The following COL19A1 variants were observed in gnomAD, a reference collection of about 807,000 sequenced individuals.
COL19A1 encodes the protein collagen alpha-1(XIX) chain.
In COL19A1, 159 loss-of-function variants were observed where a neutral mutation model predicts 190.2. The observed-to-expected ratio is 0.84, with a 90% CI of 0.73 to 0.95. The LOEUF (loss-of-function observed/expected upper bound fraction) is 0.95, where lower values mean the gene tolerates loss of function less well. Among genes scored for constraint, COL19A1 ranks in the 40% least tolerant of loss-of-function variants. COL19A1 has a pLI of 0.00. For missense variants in COL19A1, 1,418 were observed against 1,431.9 expected (o/e 0.99, Z 0.16); for synonymous variants, 509 against 458.9 (o/e 1.11, Z -1.39).
intron 15 of COL19A1, among the ~76,000 whole-genome samples, chr6:70,087,456 A>G (rs972232349): frequency 2.0e-5 from 3 of 152,112 alleles, no homozygotes; most frequent in African/African-American, 7.2e-5. Context: ...CAGAAATTTC[A>G]AGGAACTTTA....
At chr6:70,031,671 T>A (rs957510764) in intron 12 of COL19A1, among the ~76,000 whole-genome samples, 2 of 152,194 alleles carry the variant, frequency 1.3e-5, no homozygotes, top group African/African-American at 4.8e-5. Context: ...AGTACTCCGT[T>A]GTGTATATAT....
chr6:69,909,441 CA>C, intron 4 of COL19A1, among the ~76,000 whole-genome samples: 1 of 151,962 alleles, frequency 6.6e-6, no homozygotes, highest in African/African-American at 2.4e-5. Context: ...AATATAAAGA[CA>C]AAATCTCTTA....
At chr6:69,993,621 A>C (rs1344257357) in intron 11 of COL19A1, among the ~76,000 whole-genome samples, 4 of 151,934 alleles carry the variant, frequency 2.6e-5, no homozygotes, top group African/African-American at 9.7e-5. Flanking sequence ...TTCATTACTG[A>C]TTCCATTTCA....
intron 1 of COL19A1, among the ~76,000 whole-genome samples, chr6:69,873,223 C>T (rs188106061): frequency 5.3e-4 from 80 of 151,786 alleles, no homozygotes; most frequent in Middle Eastern, 3.4e-3. Flanking sequence ...CTAGACCAGT[C>T]TCTGAATAAT....
At chr6:69,900,725 T>C (rs1018986341) in intron 4 of COL19A1, among the ~76,000 whole-genome samples, 4 of 152,178 alleles carry the variant, frequency 2.6e-5, no homozygotes, top group African/African-American at 9.6e-5. Context: ...TTTTAGATTT[T>C]CTATGCTTCT....
intron 1 of COL19A1, among the ~76,000 whole-genome samples, chr6:69,876,847 T>C (rs1323496987): frequency 6.6e-6 from 1 of 152,198 alleles, no homozygotes; most frequent in African/African-American, 2.4e-5. Context: ...TGCAAAGTCA[T>C]ATGAGGATTA....
At chr6:70,179,824 C>T (rs888225797) in intron 42 of COL19A1, among the ~76,000 whole-genome samples, 1 of 152,154 alleles carries the variant, frequency 6.6e-6, no homozygotes, top group African/African-American at 2.4e-5. Flanking sequence ...AACTTATGGC[C>T]TGCGGAGTTG....
chr6:69,941,632 A>G (rs1773470705), intron 9 of COL19A1, among the ~76,000 whole-genome samples: 1 of 151,008 alleles, frequency 6.6e-6, no homozygotes, highest in South Asian at 2.1e-4. Flanking sequence ...TCAACTCTGT[A>G]TCTTTTATTT....
chr6:69,944,646 G>A (rs1250716785), intron 9 of COL19A1, among the ~76,000 whole-genome samples: 1 of 152,042 alleles, frequency 6.6e-6, no homozygotes, highest in African/African-American at 2.4e-5. Flanking sequence ...CAAAAAGCCA[G>A]AAGTTTTGGC....
intron 17 of COL19A1, among the ~76,000 whole-genome samples, chr6:70,129,407 C>T (rs1252760245): frequency 2.0e-5 from 3 of 152,124 alleles, no homozygotes; most frequent in Non-Finnish European, 4.4e-5. Context: ...CAATAGGTAA[C>T]ATTAATAAGG....
chr6:70,051,884 T>C (rs1780222408), intron 14 of COL19A1, among the ~76,000 whole-genome samples: 1 of 152,152 alleles, frequency 6.6e-6, no homozygotes, highest in South Asian at 2.1e-4. Flanking sequence ...TAAAGGCTAC[T>C]GTTAATAGAA....
rs559295827 is a variant in COL19A1, at chr6:70,097,281, C to A, written c.1225-4888C>A. Among the ~76,000 whole-genome samples the A allele has an allele frequency of 2.2e-4, 34 of 152,190 alleles. No homozygotes were observed. In the South Asian group the frequency reaches 7.1e-3, roughly 32 times the overall value. ...TCCATGCTGGTCTTGAACTCCTGGGCTCAAATGATCCTCCTGAGGTTTCCT... is the reference window on the plus strand; with the variant it reads ...TCCATGCTGGTCTTGAACTCCTGGGATCAAATGATCCTCCTGAGGTTTCCT... On this transcript the variant is annotated intron_variant, in intron 15 of 50. Coordinates refer to ENST00000620364, the MANE Select transcript of COL19A1 (RefSeq NM_001858.6).
intron 2 of COL19A1, among the ~76,000 whole-genome samples, chr6:69,896,625 A>G (rs372534464): frequency 6.6e-6 from 1 of 151,058 alleles, no homozygotes; most frequent in African/African-American, 2.4e-5. Context: ...CAAGCAATGT[A>G]GAATAGTTTT....
chr6:70,154,734 G>A (rs1787331401), intron 31 of COL19A1, among the ~76,000 whole-genome samples: 1 of 152,166 alleles, frequency 6.6e-6, no homozygotes, highest in South Asian at 2.1e-4. Flanking sequence ...TCAGTCTGTG[G>A]CCGAAGGCCT....
At chr6:70,130,847 A>C (rs1339979463) in intron 18 of COL19A1, among the ~76,000 whole-genome samples, 1 of 152,184 alleles carries the variant, frequency 6.6e-6, no homozygotes, top group African/African-American at 2.4e-5. Flanking sequence ...TGGCAAAAAC[A>C]ATCTGAAGAC....
intron 2 of COL19A1, among the ~76,000 whole-genome samples, chr6:69,888,161 C>A (rs759677692): frequency 6.6e-6 from 1 of 152,108 alleles, no homozygotes. Context: ...GTTGCATTAC[C>A]GTTTAGAGTT....
intron 17 of COL19A1, among the ~76,000 whole-genome samples, chr6:70,128,511 T>C (rs1428963910): frequency 5.3e-5 from 8 of 152,094 alleles, no homozygotes; most frequent in African/African-American, 1.9e-4. Flanking sequence ...TCCATTAGAG[T>C]AAGCAGCAAA....
intron 15 of COL19A1, among the ~76,000 whole-genome samples, chr6:70,083,169 T>G (rs1392614779): frequency 2.6e-5 from 4 of 152,216 alleles, no homozygotes; most frequent in Non-Finnish European, 5.9e-5. Context: ...TATAATAGTG[T>G]TTATTTCTTC....
chr6:69,923,434 G>A (rs1250972267), intron 4 of COL19A1, among the ~76,000 whole-genome samples: 1 of 152,122 alleles, frequency 6.6e-6, no homozygotes, highest in Non-Finnish European at 1.5e-5. Context: ...TATTTTTCCT[G>A]CCTGGTAGTT....
Sources: allele counts gnomAD v4.1 joint callset (sites outside exome capture counted in the v4.1 genomes callset), GRCh38; gene constraint gnomAD v4.1.1; transcripts MANE v1.5; gene names NCBI Gene and HGNC (gene_info 2026-07-23, HGNC 2026-07-21).